The following PAPPA variants were observed in gnomAD, a reference collection of about 807,000 sequenced individuals.
PAPPA encodes the protein pappalysin 1.
Under a neutral mutation model 164.0 loss-of-function variants are expected in PAPPA, and 60 were observed. The ratio of observed to expected loss-of-function variants is 0.37; its 90% CI spans 0.30 to 0.45. The LOEUF (loss-of-function observed/expected upper bound fraction) is 0.45. Among genes scored for constraint, PAPPA ranks in the 20% least tolerant of loss-of-function variants. The pLI, the probability that PAPPA is intolerant of heterozygous loss-of-function variation, is 1.00. For synonymous variants in PAPPA, 875 were observed against 814.1 expected (o/e 1.07, Z -1.27); for missense variants, 1,782 against 2,087.3 (o/e 0.85, Z 2.85).
chr9:116,343,373 G>A (rs371296295), intron 13 of PAPPA, among the ~76,000 whole-genome samples: 2 of 152,200 alleles, frequency 1.3e-5, no homozygotes, highest in African/African-American at 4.8e-5. Context: ...CATCAAACAT[G>A]AGGCAACAGC....
intron 20 of PAPPA, among the ~76,000 whole-genome samples, chr9:116,379,082 C>T (rs191815831): frequency 2.0e-5 from 3 of 152,274 alleles, no homozygotes; most frequent in African/African-American, 4.8e-5. Context: ...GCTGAGTTGG[C>T]GGTCTGGGCA....
chr9:116,229,449 A>C (rs572957981), intron 6 of PAPPA, among the ~76,000 whole-genome samples: 1 of 152,344 alleles, frequency 6.6e-6, no homozygotes, highest in East Asian at 1.9e-4. Flanking sequence ...TGTATTCTTG[A>C]ATTTTTAAAT....
intron 10 of PAPPA, among the ~76,000 whole-genome samples, chr9:116,323,765 T>C (rs1474839021): frequency 6.6e-6 from 1 of 152,228 alleles, no homozygotes; most frequent in African/African-American, 2.4e-5. Flanking sequence ...CACTTAATTT[T>C]AGAGTCAACA....
At position 116,344,666 on chromosome 9, in the gene PAPPA, C is replaced by G; in HGVS notation, c.3735C>G (p.Gly1245=). The change falls in exon 14 of 22, where the codon GGC becomes GGG. Residue 1245 remains glycine (G), a synonymous_variant. Coordinates refer to ENST00000328252, the MANE Select transcript of PAPPA (RefSeq NM_002581.5). Reference sequence around the variant, plus strand: ...AGTGTACTGTGAGCTGCCGGACAGGCTACGTGCTCCAGATACGGCGGGATG... The same window carrying G: ...AGTGTACTGTGAGCTGCCGGACAGGGTACGTGCTCCAGATACGGCGGGATG... ...GAQCTVSCRT[G]YVLQIRRDDE... The G allele has an allele frequency of 6.2e-7, 1 of 1,614,148 alleles. No individual in the cohort carries two copies. Among genetic ancestry groups the G allele is most frequent in the Non-Finnish European group, 8.5e-7 (1 of 1,180,002 alleles).
At chr9:116,365,566 T>TTTTTTTTTC (rs1554755536) in intron 18 of PAPPA, among the ~76,000 whole-genome samples, 1 of 137,890 alleles carries the variant, frequency 7.3e-6, no homozygotes, top group Non-Finnish European at 1.6e-5. Flanking sequence ...TTTTTTTTTT[T>TTTTTTTTTC]CCTCTCTTGG....
intron 10 of PAPPA, among the ~76,000 whole-genome samples, chr9:116,308,717 CCT>C (rs1050613799): frequency 6.6e-6 from 1 of 152,128 alleles, no homozygotes; most frequent in Non-Finnish European, 1.5e-5. Flanking sequence ...GTGGGCATTC[CCT>C]CTCTCTAATA....
chr9:116,244,355 A>G (rs1844771987), intron 7 of PAPPA, among the ~76,000 whole-genome samples: 1 of 152,210 alleles, frequency 6.6e-6, no homozygotes, highest in African/African-American at 2.4e-5. Flanking sequence ...AGACCCATAG[A>G]AGTTAAAAAT....
At chr9:116,287,736 A>G (rs1020336602) in intron 9 of PAPPA, 4 of 152,152 alleles carry the variant, frequency 2.6e-5, no homozygotes, top group Admixed American at 2.6e-4. Flanking sequence ...TACCTACATG[A>G]TTATTGCTCA....
In PAPPA at chr9:116,188,232, G is replaced by A. The variant is rs1230778943; in HGVS notation, c.1478+16G>A. On this transcript the variant is annotated intron_variant, in intron 2 of 21. Coordinates refer to ENST00000328252, the MANE Select transcript of PAPPA (RefSeq NM_002581.5). ...CTCCACACAGGTAAGACCTTACTGG[G>A]CTAAAGATGCCCAGTTGAAAGTTGA... 2.6e-6 allele frequency: 4 copies of A among 1,567,754 alleles called. No homozygotes were observed. The highest frequency in any genetic ancestry group is 1.7e-5 in the Admixed American group (1 of 58,416).
intron 13 of PAPPA, among the ~76,000 whole-genome samples, chr9:116,335,682 G>A (rs879426824): frequency 2.0e-5 from 3 of 152,142 alleles, no homozygotes. Flanking sequence ...AGCTACAAGC[G>A]AGTGGAGTTT....
At chr9:116,217,855 G>A (rs1212417534) in intron 4 of PAPPA, among the ~76,000 whole-genome samples, 3 of 152,200 alleles carry the variant, frequency 2.0e-5, no homozygotes, top group Non-Finnish European at 4.4e-5. Flanking sequence ...TTTGACTCCA[G>A]ATTCTGTGTG....
rs558570638 is a variant in PAPPA at position 116,332,644 on chromosome 9, G to C, written c.3397+176G>C. On this transcript the variant is annotated intron_variant, in intron 12 of 21. Coordinates refer to ENST00000328252, the MANE Select transcript of PAPPA (RefSeq NM_002581.5). ...ATCAAGATGTGGTTATGTATCCAGA[G>C]AAATCAAGATCTGGCAGATACAGGG... is the stretch of plus-strand genomic sequence containing the variant. 215 of 580,798 alleles carry C rather than the reference G, an allele frequency of 3.7e-4. 3 individuals carry two copies. The highest frequency in any genetic ancestry group is 3.1e-3 in the South Asian group (118 of 37,476). 36.0% of individuals were successfully genotyped at this position (580,798 alleles called of 1,614,324 possible).
At chr9:116,391,293 T>C (rs1227338449) in intron 21 of PAPPA, among the ~76,000 whole-genome samples, 1 of 152,210 alleles carries the variant, frequency 6.6e-6, no homozygotes, top group Non-Finnish European at 1.5e-5. Context: ...ATCATGCCTT[T>C]ATCTACTTGG....
chr9:116,363,100 T>C (rs1466530885), intron 18 of PAPPA, among the ~76,000 whole-genome samples: 1 of 152,042 alleles, frequency 6.6e-6, no homozygotes, highest in East Asian at 1.9e-4. Flanking sequence ...GGAGCAGGAG[T>C]TATGAAAGCA....
rs751713023 is a variant in PAPPA at position 116,271,346 on chromosome 9, C to G, written c.2883C>G (p.Asp961Glu). 6.2e-7 allele frequency: 1 copy of G among 1,613,824 alleles called. No individual in the cohort carries two copies. Among genetic ancestry groups the G allele is most frequent in the Non-Finnish European group, 8.5e-7 (1 of 1,179,722 alleles). The change falls in exon 9 of 22, where the codon GAC becomes GAG. Residue 961 changes from aspartate to glutamate, a missense_variant. By Grantham distance (45) the Asp-to-Glu change is conservative. Around this residue, in one of 2 missense-constraint regions of PAPPA, gnomAD observed 1,324 missense variants for 1,656.9 expected, o/e 0.80. Transcript: ENST00000328252. The surrounding 1 kb of genome is among the most constrained non-coding windows in gnomAD (Gnocchi z 4.2). ...GCAGAGACCAAGGTGAACAATGCGA[C>G]GACATGAATAAGATCAATGGTGATG... ...IIQKDQGEQC[D>E]DMNKINGDGC...
intron 9 of PAPPA, chr9:116,285,828 T>C (rs1383815122): frequency 6.6e-6 from 1 of 152,248 alleles, no homozygotes; most frequent in Non-Finnish European, 1.5e-5. Flanking sequence ...AAGAAGGATG[T>C]ATTTCTTAAG....
At chr9:116,355,474 C>T (rs770979975) in intron 17 of PAPPA, among the ~76,000 whole-genome samples, 2 of 152,184 alleles carry the variant, frequency 1.3e-5, no homozygotes, top group African/African-American at 4.8e-5. Flanking sequence ...CATACACTCT[C>T]GGCGTCTGTT....
At position 116,400,656 on chromosome 9, in the gene PAPPA, G is replaced by A. The variant is rs1331800472; in HGVS notation, c.*4040G>A. 2 of 152,164 alleles carry A rather than the reference G, an allele frequency of 1.3e-5. No individual in the cohort carries two copies. Among genetic ancestry groups the A allele is most frequent in the South Asian group, 2.1e-4 (1 of 4,822 alleles). 9.4% of individuals were successfully genotyped at this position (152,164 alleles called of 1,614,324 possible). A position where few individuals can be genotyped will look rare whatever the true frequency, so the allele number is the denominator to read the frequency against. On this transcript the variant is annotated 3_prime_UTR_variant, in exon 22 of 22. Transcript: ENST00000328252. Reference sequence around the variant, plus strand: ...CAGGTAATCCCACTGAGTGAGTTTTGAGAAACAAATCAAACGAAGTAAACA... The same window carrying A: ...CAGGTAATCCCACTGAGTGAGTTTTAAGAAACAAATCAAACGAAGTAAACA...
chr9:116,197,256 T>A (rs1213912518), intron 2 of PAPPA, among the ~76,000 whole-genome samples: 6 of 152,204 alleles, frequency 3.9e-5, no homozygotes, highest in Admixed American at 3.3e-4. Flanking sequence ...GAGGATGGGC[T>A]TAATATTTAA....
Sources: allele counts gnomAD v4.1 joint callset (sites outside exome capture counted in the v4.1 genomes callset), GRCh38; gene constraint gnomAD v4.1.1; regional missense constraint gnomAD v4.1.1; non-coding constraint Gnocchi (gnomAD v3.1); transcripts MANE v1.5; gene names NCBI Gene and HGNC (gene_info 2026-07-23, HGNC 2026-07-21).